The following GRIK4 variants were observed in gnomAD, a reference collection of about 807,000 sequenced individuals.
GRIK4 encodes the protein glutamate ionotropic receptor kainate type subunit 4.
GRIK4 carries 40 observed loss-of-function variants against 104.9 expected under a neutral mutation model. The observed-to-expected ratio is 0.38, with a 90% CI of 0.30 to 0.50. The LOEUF (loss-of-function observed/expected upper bound fraction) is 0.50. GRIK4 is among the 20% of genes least tolerant of loss of function. The probability of loss-of-function intolerance (pLI) is 0.93; values close to 1 mark genes in which losing one functional copy is unlikely to be tolerated. For synonymous variants in GRIK4, 485 were observed against 524.9 expected (o/e 0.92, Z 1.04); for missense variants, 1,047 against 1,308.1 (o/e 0.80, Z 3.08).
intron 1 of GRIK4, among the ~76,000 whole-genome samples, chr11:120,561,620 C>T (rs1948240118): frequency 1.3e-5 from 2 of 152,230 alleles, no homozygotes; most frequent in Admixed American, 1.3e-4. Context: ...CAGGCCACAC[C>T]TTCGGGGGCA....
chr11:120,676,400 A>G (rs4367954), intron 3 of GRIK4, among the ~76,000 whole-genome samples: 23,661 of 152,174 alleles, frequency 0.16, 1,989 homozygotes, highest in South Asian at 0.23. Flanking sequence ...ACCCAAGCCT[A>G]GGCAATTTGT....
chr11:120,682,628 T>C (rs1950214641), intron 3 of GRIK4, among the ~76,000 whole-genome samples: 1 of 151,814 alleles, frequency 6.6e-6, no homozygotes, highest in African/African-American at 2.4e-5. Context: ...CAACTCCTAT[T>C]TATCCTACAG....
At chr11:120,804,031 T>C (rs1035756334) in intron 4 of GRIK4, among the ~76,000 whole-genome samples, 1 of 152,180 alleles carries the variant, frequency 6.6e-6, no homozygotes, top group Admixed American at 6.5e-5. Flanking sequence ...CTCCGGCCTG[T>C]TGTTTGTATT....
chr11:120,912,684 G>A (rs1397865323), intron 13 of GRIK4, among the ~76,000 whole-genome samples: 2 of 152,192 alleles, frequency 1.3e-5, no homozygotes, highest in African/African-American at 4.8e-5. Flanking sequence ...GCTTGTAAGG[G>A]AAAGCAAGGT....
At chr11:120,600,762 A>G (rs1948873932) in intron 1 of GRIK4, among the ~76,000 whole-genome samples, 1 of 152,220 alleles carries the variant, frequency 6.6e-6, no homozygotes. Context: ...ACCTTCAAAA[A>G]GATTAAGAAC....
intron 1 of GRIK4, among the ~76,000 whole-genome samples, chr11:120,578,998 C>T (rs929925312): frequency 3.3e-5 from 5 of 152,148 alleles, no homozygotes; most frequent in African/African-American, 9.7e-5. Flanking sequence ...GCTTCTGCCA[C>T]GTGGAAGCCA....
intron 1 of GRIK4, among the ~76,000 whole-genome samples, chr11:120,579,612 G>A (rs12273026): frequency 0.18 from 26,665 of 152,146 alleles, 6,697 homozygotes; most frequent in African/African-American, 0.56. Context: ...GCTTATAAAG[G>A]ATAAATCATA....
At chr11:120,752,611 C>A (rs1025897613) in intron 3 of GRIK4, among the ~76,000 whole-genome samples, 1 of 152,136 alleles carries the variant, frequency 6.6e-6, no homozygotes, top group Non-Finnish European at 1.5e-5. Context: ...TTTTTCATTC[C>A]TTTTAAAGTT....
chr11:120,712,283 A>T (rs936894650), intron 3 of GRIK4, among the ~76,000 whole-genome samples: 1 of 152,162 alleles, frequency 6.6e-6, no homozygotes, highest in Admixed American at 6.5e-5. Flanking sequence ...GGTTGGGAAG[A>T]GAGGGGGAAA....
chr11:120,541,137 G>A (rs1948030352), intron 1 of GRIK4, among the ~76,000 whole-genome samples: 1 of 152,206 alleles, frequency 6.6e-6, no homozygotes, highest in African/African-American at 2.4e-5. Context: ...CACACATCTG[G>A]GCCCTTGCCG....
intron 3 of GRIK4, among the ~76,000 whole-genome samples, chr11:120,790,251 G>A (rs769701410): frequency 6.6e-6 from 1 of 152,104 alleles, no homozygotes; most frequent in Non-Finnish European, 1.5e-5. Context: ...TGTTTAATAG[G>A]TATTTGGTGA....
chr11:120,959,382 A>C (rs1287384248), intron 16 of GRIK4, among the ~76,000 whole-genome samples: 1 of 152,204 alleles, frequency 6.6e-6, no homozygotes, highest in East Asian at 1.9e-4. Context: ...TCACAATGGC[A>C]AAAGGGGCAA....
chr11:120,742,503 CTATTAT>C (rs746590214), intron 3 of GRIK4, among the ~76,000 whole-genome samples: 8 of 140,744 alleles, frequency 5.7e-5, no homozygotes, highest in South Asian at 2.3e-4. Flanking sequence ...TTCAGAATGG[CTATTAT>C]TATTATTATT....
At chr11:120,518,972 G>A (rs1271165076) in intron 1 of GRIK4, among the ~76,000 whole-genome samples, 2 of 152,148 alleles carry the variant, frequency 1.3e-5, no homozygotes, top group Non-Finnish European at 1.5e-5. Context: ...CGAAAGTGCT[G>A]GAAAAGAGAT....
chr11:120,578,766 C>T (rs569032429), intron 1 of GRIK4, among the ~76,000 whole-genome samples: 7 of 152,336 alleles, frequency 4.6e-5, no homozygotes, highest in African/African-American at 1.4e-4. Context: ...CCGGCGAACG[C>T]CCCGCCCGGC....
chr11:120,865,148 A>G (rs1429903377), intron 9 of GRIK4, among the ~76,000 whole-genome samples: 1 of 152,164 alleles, frequency 6.6e-6, no homozygotes, highest in Non-Finnish European at 1.5e-5. Flanking sequence ...AATACTGTGT[A>G]ACAGCCAACT....
At chr11:120,540,182 T>G (rs1405919094) in intron 1 of GRIK4, among the ~76,000 whole-genome samples, 1 of 151,998 alleles carries the variant, frequency 6.6e-6, no homozygotes, top group Non-Finnish European at 1.5e-5. Flanking sequence ...GAGGGCAGCT[T>G]GGATGTGGGA....
intron 1 of GRIK4, among the ~76,000 whole-genome samples, chr11:120,528,416 A>AT (rs958020231): frequency 6.6e-6 from 1 of 152,088 alleles, no homozygotes; most frequent in Non-Finnish European, 1.5e-5. Flanking sequence ...CGACCCTATA[A>AT]TTTTTTTATA....
chr11:120,830,311 G>C (rs765746386), intron 6 of GRIK4, among the ~76,000 whole-genome samples: 1 of 151,966 alleles, frequency 6.6e-6, no homozygotes. Flanking sequence ...TTTGTCCTCC[G>C]AGGCAGCCTG....
Sources: gnomAD v4.1 joint callset for allele counts (sites outside exome capture counted in the v4.1 genomes callset) on GRCh38, gnomAD v4.1.1 for gene constraint, MANE v1.5 for transcripts, NCBI Gene and HGNC (gene_info 2026-07-23, HGNC 2026-07-21) for gene names.